Variants in ELMO2 observed in about 807,000 individuals in gnomAD.
ELMO2 encodes the protein engulfment and cell motility 2, also known as engulfment and cell motility protein 2.
In ELMO2, 37 loss-of-function variants were observed where a neutral mutation model predicts 96.2. The observed-to-expected ratio is 0.38, with a 90% CI of 0.30 to 0.51. The LOEUF (loss-of-function observed/expected upper bound fraction) is 0.51, where lower values mean the gene tolerates loss of function less well. Ranked by LOEUF, ELMO2 falls within the 20% of genes least tolerant of loss-of-function variation. ELMO2 has a pLI of 0.88. For synonymous variants in ELMO2, 315 were observed against 329.4 expected (o/e 0.96, Z 0.47); for missense variants, 561 against 912.6 (o/e 0.61, Z 4.96).
intron 5 of ELMO2, 104 bp from the exon 6 acceptor site, chr20:46,393,247 T>C: frequency 8.5e-7 from 1 of 1,169,600 alleles, no homozygotes; most frequent in East Asian, 2.4e-5. Flanking sequence ...ACAGTAGATG[T>C]AACTGAGGAT....
Position 46,393,896 on chromosome 20 carries a change from C to T in ELMO2, c.119+153G>A. 3 of 1,056,550 alleles carry T rather than the reference C, an allele frequency of 2.8e-6. No homozygotes were observed. In the Admixed American group the frequency reaches 7.0e-5, roughly 25 times the overall value. 65.4% of individuals were successfully genotyped at this position (1,056,550 alleles called of 1,614,324 possible). A position where few individuals can be genotyped will look rare whatever the true frequency, so the allele number is the denominator to read the frequency against. ...ATAAACGTCTTAGGGGTATGGTTGT[C>T]AACTGTACTTCCTTCCCAAGACAAT... On this transcript the variant is annotated intron_variant, in intron 4 of 21. Coordinates refer to ENST00000290246, the MANE Select transcript of ELMO2 (RefSeq NM_133171.5).
At position 46,374,322 on chromosome 20, in the gene ELMO2, AGAGACTTACGTAGTTCCCCAACCTGCAG is replaced by A; in HGVS notation, c.1261_1279+9del. On this transcript the variant is annotated splice_donor_variant and splice_donor_5th_base_variant and coding_sequence_variant and intron_variant, in exon 15 of 22. Transcript: ENST00000290246. LOFTEE classifies it high-confidence loss of function. ...GAATGGCTGAAGAAGAGGGAGCTGCAGAGACTTACGTAGTTCCCCAACCTGCAGGATTTCACAGAGCATTTTGGTGAGC... is the reference window on the plus strand; with the variant it reads ...GAATGGCTGAAGAAGAGGGAGCTGCAGATTTCACAGAGCATTTTGGTGAGC... The A allele has an allele frequency of 6.2e-7, 1 of 1,608,562 alleles. No homozygotes were observed. The highest frequency in any genetic ancestry group is 8.5e-7 in the Non-Finnish European group (1 of 1,175,040).
chr20:46,370,198 C>T (rs1187709274), intron 20 of ELMO2: 1 of 640,220 alleles, frequency 1.6e-6, no homozygotes, highest in Admixed American at 2.2e-5. Context: ...CAGTGTGATA[C>T]TTGGGACTTT....
At chr20:46,389,013 T>G in intron 7 of ELMO2, 26 bp downstream of exon 7, 1 of 1,601,996 alleles carries the variant, frequency 6.2e-7, no homozygotes, top group Non-Finnish European at 8.5e-7. Flanking sequence ...TCGAAGTCCT[T>G]GGAACGAGAC....
rs1190747388 is a variant in ELMO2 at position 46,375,115 on chromosome 20, CCTAA to C, written c.1065+117_1065+120del. On this transcript the variant is annotated intron_variant, in intron 13 of 21. Transcript: ENST00000290246. This position sits in a 1 kb window ranked among gnomAD's most constrained non-coding sequence, Gnocchi z 4.6. ...GCAAGCATTAAAGCTCCACCAGCTT[CCTAA>C]CTGTCATCTATTCCAGGGCCACCAT... 9.1e-6 allele frequency: 12 copies of C among 1,324,656 alleles called. No individual in the cohort carries two copies. In the Admixed American group the frequency reaches 1.8e-4, roughly 20 times the overall value. The allele number at this position is 1,324,656 out of a possible 1,614,324, so 82.1% of individuals were successfully genotyped here. A position where few individuals can be genotyped will look rare whatever the true frequency, so the allele number is the denominator to read the frequency against.
At chr20:46,378,003 C>T (rs1031258327) in intron 11 of ELMO2, among the ~76,000 whole-genome samples, 4 of 152,198 alleles carry the variant, frequency 2.6e-5, no homozygotes, top group Non-Finnish European at 5.9e-5. Context: ...TTCGTCTATC[C>T]TATTCCTCTC....
intron 1 of ELMO2, among the ~76,000 whole-genome samples, chr20:46,403,947 G>A (rs1213120611): frequency 2.6e-5 from 4 of 152,152 alleles, no homozygotes; most frequent in African/African-American, 9.7e-5. Flanking sequence ...AGCCGGGCAC[G>A]GTGGCAGGCA....
At chr20:46,379,154 C>T (rs150236024) in intron 11 of ELMO2, among the ~76,000 whole-genome samples, 217 of 152,136 alleles carry the variant, frequency 1.4e-3, no homozygotes, top group African/African-American at 5.1e-3. Context: ...TCACCACGCC[C>T]GGCTAATTTT....
chr20:46,367,124 T>A lies in ELMO2; in HGVS notation c.*236A>T. ...CTGCTGTTTGTTCCTCGTGGCCCAA[T>A]CCCAGGCTTCATGGTGATGGAGTGG... On this transcript the variant is annotated 3_prime_UTR_variant, in exon 22 of 22. Coordinates refer to ENST00000290246, the MANE Select transcript of ELMO2 (RefSeq NM_133171.5). 2 of 393,598 alleles carry A rather than the reference T, an allele frequency of 5.1e-6. No homozygotes were observed. Among genetic ancestry groups the A allele is most frequent in the Non-Finnish European group, 9.0e-6 (2 of 223,042 alleles). 24.4% of individuals were successfully genotyped at this position (393,598 alleles called of 1,614,324 possible).
chr20:46,376,942 T>C, intron 11 of ELMO2: 2 of 577,696 alleles, frequency 3.5e-6, no homozygotes, highest in Non-Finnish European at 5.3e-6. Context: ...AAGTGCTTAG[T>C]AGTCACCGTG....
chr20:46,373,709 G>A (rs1220490102), intron 15 of ELMO2, among the ~76,000 whole-genome samples, 174 bp from the exon 16 acceptor site: 1 of 152,074 alleles, frequency 6.6e-6, no homozygotes, highest in Non-Finnish European at 1.5e-5. Flanking sequence ...TCTCCAGGGT[G>A]CATTTTCTTG....
rs749309618 is a variant in ELMO2, at chr20:46,374,569, G to A, written c.1137C>T (p.Tyr379=). The A allele has an allele frequency of 1.9e-6, 3 of 1,614,230 alleles. No homozygotes were observed. The highest frequency in any genetic ancestry group is 2.5e-6 in the Non-Finnish European group (3 of 1,180,046). The change falls in exon 14 of 22, where the codon TAC becomes TAT. Residue 379 remains tyrosine (Y), a synonymous_variant. Transcript: ENST00000290246. ...PGMLALDNML[Y]LAKVHQDTYI... is the part of the protein sequence containing the mutation. ...AGGTGTCCTGGTGGACTTTAGCCAAGTACAGCATGTTGTCCAAGGCCAGCA... is the reference window on the plus strand; with the variant it reads ...AGGTGTCCTGGTGGACTTTAGCCAAATACAGCATGTTGTCCAAGGCCAGCA...
rs553900676 is a variant in ELMO2 at position 46,376,078 on chromosome 20, T to C, written c.808-288A>G. 3.3e-5 allele frequency among the ~76,000 whole-genome samples: 5 copies of C among 152,296 alleles called. No individual in the cohort carries two copies. In the South Asian group the frequency reaches 1.0e-3, roughly 32 times the overall value. On this transcript the variant is annotated intron_variant, in intron 11 of 21. Coordinates refer to ENST00000290246, the MANE Select transcript of ELMO2 (RefSeq NM_133171.5). ...CAACCACACCAGAAATGGGGGAGGC[T>C]ACTCCATCAAGGCTATGATACAGAA...
intron 9 of ELMO2, among the ~76,000 whole-genome samples, chr20:46,385,310 T>C (rs1873112869): frequency 6.6e-6 from 1 of 152,212 alleles, no homozygotes; most frequent in South Asian, 2.1e-4. Flanking sequence ...GGGAGAAACA[T>C]TGCTCCAATG....
chr20:46,370,774 C>G (rs1016385595), intron 19 of ELMO2, among the ~76,000 whole-genome samples: 1 of 152,192 alleles, frequency 6.6e-6, no homozygotes, highest in African/African-American at 2.4e-5. Context: ...CACTTCAGGG[C>G]TCTTGGATTT....
At chr20:46,402,809 C>T (rs1401736055) in intron 1 of ELMO2, among the ~76,000 whole-genome samples, 2 of 152,262 alleles carry the variant, frequency 1.3e-5, no homozygotes, top group African/African-American at 4.8e-5. Context: ...CCTCCTCCTG[C>T]AGCACAGCTT....
Position 46,367,375 on chromosome 20 carries a change from G to C in ELMO2, c.2148C>G (p.Val716=), listed in dbSNP as rs749472199. The C allele has an allele frequency of 1.3e-6, 2 of 1,571,426 alleles. No individual in the cohort carries two copies. Among genetic ancestry groups the C allele is most frequent in the Non-Finnish European group, 1.7e-6 (2 of 1,158,098 alleles). ...IPKEPSSYDF[V]YHYG is the part of the protein sequence containing the mutation. ...GGCTCCAGGCTCAGCCATAGTGATA[G>C]ACAAAGTCATAGCTGCTGGGCTCCT... The change falls in exon 22 of 22, where the codon GTC becomes GTG. Residue 716 remains valine, a synonymous_variant. Coordinates refer to ENST00000290246, the MANE Select transcript of ELMO2 (RefSeq NM_133171.5).
chr20:46,369,961 GGTGTGTGTGT>G lies in ELMO2; in HGVS notation c.1884+472_1884+481del, dbSNP rs200632114. 92 of 50,256 alleles carry G rather than the reference GGTGTGTGTGT, an allele frequency of 1.8e-3. 1 individual carries two copies. Among genetic ancestry groups the G allele is most frequent in the East Asian group, 0.013 (33 of 2,578 alleles). The allele number at this position is 50,256 out of a possible 1,614,324, so 3.1% of individuals were successfully genotyped here. On this transcript the variant is annotated intron_variant, in intron 20 of 21. Transcript: ENST00000290246. ...CTGGTTTAGACAAGATGGGTATGGGGGTGTGTGTGTGTGTGTGTGTGTGTGTGTGTGTGTG... is the reference window on the plus strand; with the variant it reads ...CTGGTTTAGACAAGATGGGTATGGGGGTGTGTGTGTGTGTGTGTGTGTGTG...
rs1468271013 is a variant in ELMO2, at chr20:46,398,715, G to A, written c.-69C>T. On this transcript the variant is annotated 5_prime_UTR_variant, in exon 2 of 22. An upstream open reading frame in the 5' UTR gains an earlier in-frame stop. Transcript: ENST00000290246. ...TTCCTACCTTACAGGTAAGGCAACT[G>A]AAGTTCAGACGGATTGACAAACTTG... is the stretch of plus-strand genomic sequence containing the variant. 6.6e-6 allele frequency: 1 copy of A among 152,148 alleles called. No homozygotes were observed. Among genetic ancestry groups the A allele is most frequent in the Admixed American group, 6.5e-5 (1 of 15,288 alleles). The allele number at this position is 152,148 out of a possible 1,614,324, so 9.4% of individuals were successfully genotyped here. A position where few individuals can be genotyped will look rare whatever the true frequency, so the allele number is the denominator to read the frequency against.
Sources: gnomAD v4.1 joint callset for allele counts (sites outside exome capture counted in the v4.1 genomes callset) on GRCh38, gnomAD v4.1.1 for gene constraint, Gnocchi (gnomAD v3.1) non-coding constraint, MANE v1.5 for transcripts, NCBI Gene and HGNC (gene_info 2026-07-23, HGNC 2026-07-21) for gene names.